The following SLC12A3 variants were observed in gnomAD, a reference collection of about 807,000 sequenced individuals.
SLC12A3 encodes the protein solute carrier family 12 member 3.
Under a neutral mutation model 121.0 loss-of-function variants are expected in SLC12A3, and 104 were observed. The ratio of observed to expected loss-of-function variants is 0.86; its 90% CI spans 0.73 to 1.01. The LOEUF (loss-of-function observed/expected upper bound fraction) is 1.01. SLC12A3 is among the 50% of genes least tolerant of loss of function. The pLI is 0.00. For synonymous variants in SLC12A3, 536 were observed against 533.4 expected, an observed-to-expected ratio of 1.00 and a Z score of -0.07; for missense variants, 1,328 against 1,356.3, an observed-to-expected ratio of 0.98 and a Z score of 0.33.
intron 22 of SLC12A3, among the ~76,000 whole-genome samples, chr16:56,898,571 T>C (rs2055496570): frequency 6.6e-6 from 1 of 152,162 alleles, no homozygotes; most frequent in Non-Finnish European, 1.5e-5. Flanking sequence ...TGTATTGTTT[T>C]GAAGGCTTCT....
intron 4 of SLC12A3, 134 bp from the exon 5 acceptor site, chr16:56,869,962 A>G (rs2055069531): frequency 1.0e-5 from 14 of 1,379,364 alleles, no homozygotes; most frequent in Non-Finnish European, 1.4e-5. Context: ...CAGGCTGTCT[A>G]CACCACGAGA....
chr16:56,883,186 C>A (rs2055263673), intron 13 of SLC12A3, among the ~76,000 whole-genome samples: 1 of 151,950 alleles, frequency 6.6e-6, no homozygotes, highest in Non-Finnish European at 1.5e-5. Context: ...CTAGGAGGCA[C>A]CATTCATATC....
At position 56,868,377 on chromosome 16, in the gene SLC12A3, G is replaced by A. The variant is rs751112698; in HGVS notation, c.505+5G>A. Reference sequence around the variant, plus strand: ...TTACGGCCCAGGCAGGCATCGGTGAGTGCCCCTCTGGGGAAGAGGAGGGAG... The same window carrying A: ...TTACGGCCCAGGCAGGCATCGGTGAATGCCCCTCTGGGGAAGAGGAGGGAG... On this transcript the variant is annotated splice_donor_5th_base_variant and intron_variant, in intron 3 of 25. Coordinates refer to ENST00000563236, the MANE Select transcript of SLC12A3 (RefSeq NM_001126108.2). The A allele has an allele frequency of 5.6e-6, 9 of 1,610,910 alleles. No homozygotes were observed. The highest frequency in any genetic ancestry group is 7.6e-6 in the Non-Finnish European group (9 of 1,178,566).
Position 56,899,991 on chromosome 16 carries a change from A to G in SLC12A3, c.2720+375A>G, listed in dbSNP as rs540023329. 2.6e-5 allele frequency among the ~76,000 whole-genome samples: 4 copies of G among 152,330 alleles called. No individual in the cohort carries two copies. The South Asian group carries it at 8.3e-4, about 32-fold the overall frequency. On this transcript the variant is annotated intron_variant, in intron 23 of 25. Transcript: ENST00000563236. ...GTGACCAATGGCAGGTTCAGCAGGG[A>G]CTGTTTGCTTTCCAAATGGTATAAC... is the stretch of plus-strand genomic sequence containing the variant.
chr16:56,886,719 T>C (rs2055317307), intron 16 of SLC12A3, among the ~76,000 whole-genome samples: 1 of 151,924 alleles, frequency 6.6e-6, no homozygotes, highest in Non-Finnish European at 1.5e-5. Flanking sequence ...CTCCCCTTCC[T>C]GGCCCCTCTT....
At chr16:56,866,541 G>A (rs1429372159) in intron 1 of SLC12A3, among the ~76,000 whole-genome samples, 1 of 152,136 alleles carries the variant, frequency 6.6e-6, no homozygotes, top group Non-Finnish European at 1.5e-5. Flanking sequence ...CCTCTCCAGG[G>A]TGATAATAAT....
rs753469158 is a variant in SLC12A3 at position 56,872,643 on chromosome 16, C to T, written c.965-13C>T. The T allele has an allele frequency of 6.8e-6, 11 of 1,614,248 alleles. No homozygotes were observed. The highest frequency in any genetic ancestry group is 1.6e-4 in the Middle Eastern group (1 of 6,062). ...TCCAGGTGAGCCTTACTCATCAGGC[C>T]TTGCTTTTCCAGCGGACATTTTTGT... On this transcript the variant is annotated splice_polypyrimidine_tract_variant and intron_variant, in intron 7 of 25. Coordinates refer to ENST00000563236, the MANE Select transcript of SLC12A3 (RefSeq NM_001126108.2).
chr16:56,906,782 G>A (rs1194632199), intron 25 of SLC12A3: 5 of 758,438 alleles, frequency 6.6e-6, no homozygotes, highest in African/African-American at 1.8e-5. Flanking sequence ...ATTATGCAAA[G>A]AAAAGTGAAC....
At chr16:56,904,915 T>C (rs2055586704) in intron 25 of SLC12A3, 3 of 298,588 alleles carry the variant, frequency 1.0e-5, no homozygotes, top group South Asian at 9.5e-5. Flanking sequence ...CTGTTCCTAC[T>C]GGACCCACGT....
chr16:56,910,661 C>T lies in SLC12A3; in HGVS notation c.2925-2603C>T, dbSNP rs955592398. Among the ~76,000 whole-genome samples the T allele has an allele frequency of 4.6e-5, 7 of 152,108 alleles. No individual in the cohort carries two copies. The East Asian group carries it at 1.3e-3, about 29-fold the overall frequency. On this transcript the variant is annotated intron_variant, in intron 25 of 25. Coordinates refer to ENST00000563236, the MANE Select transcript of SLC12A3 (RefSeq NM_001126108.2). ...GGCCTCAAAACTCTATTATAATCAC[C>T]CCCTCACTCCCACTTTAGAGATGAG...
intron 22 of SLC12A3, among the ~76,000 whole-genome samples, chr16:56,897,385 G>A (rs2055479420): frequency 6.6e-6 from 1 of 152,100 alleles, no homozygotes; most frequent in Non-Finnish European, 1.5e-5. Flanking sequence ...GATGCCCCAG[G>A]GTCAGAGTAG....
intron 8 of SLC12A3, 36 bp from the exon 9 acceptor site, chr16:56,878,041 T>TC: frequency 2.0e-5 from 8 of 393,160 alleles, no homozygotes; most frequent in South Asian, 8.5e-5. Flanking sequence ...CCTCTCTCCC[T>TC]CCCTCCCTCC....
chr16:56,887,799 T>TATATATATATATATATA (rs1491296372), intron 17 of SLC12A3, 126 bp from the exon 18 acceptor site: 14 of 46,588 alleles, frequency 3.0e-4, no homozygotes, highest in Admixed American at 5.2e-4. Flanking sequence ...TATATATATA[T>TATATATATATATATATA]TTTTTTTTTT....
At chr16:56,876,804 G>A (rs1326627560) in intron 8 of SLC12A3, among the ~76,000 whole-genome samples, 1 of 152,200 alleles carries the variant, frequency 6.6e-6, no homozygotes, top group Non-Finnish European at 1.5e-5. Flanking sequence ...TCCCATGGCA[G>A]GCCTGGCCTT....
chr16:56,885,810 T>C (rs1446773645), intron 15 of SLC12A3, among the ~76,000 whole-genome samples: 1 of 152,232 alleles, frequency 6.6e-6, no homozygotes, highest in Non-Finnish European at 1.5e-5. Context: ...GCCAGGTGCT[T>C]GCAAAGTGCC....
rs777612082 is a variant in SLC12A3 at position 56,880,172 on chromosome 16, G to A, written c.1486G>A (p.Gly496Ser). The A allele has an allele frequency of 2.7e-5, 43 of 1,604,818 alleles. No individual in the cohort carries two copies. Among genetic ancestry groups the A allele is most frequent in the East Asian group, 9.0e-5 (4 of 44,588 alleles). The change falls in exon 12 of 26, where the codon GGC (glycine) becomes AGC (serine). Residue 496 changes from glycine to serine, a missense_variant. Physicochemically the swap from Gly to Ser is moderately conservative, Grantham distance 56 (BLOSUM62 0). Transcript: ENST00000563236. ...DQLYPLIGFF[G>S]KGYGKNKEPV... is the part of the protein sequence containing the mutation. The stretch of plus-strand genomic sequence containing the variant: ...GCTGTACCCACTGATCGGCTTCTTC[G>A]GCAAAGGCTATGGCAAGAACAAGGA...
At chr16:56,878,266 T>C in intron 9 of SLC12A3, 105 bp downstream of exon 9, 1 of 874,504 alleles carries the variant, frequency 1.1e-6, no homozygotes, top group South Asian at 1.4e-5. Context: ...GGGGTTCGAC[T>C]CTCTAACAAC....
intron 16 of SLC12A3, 99 bp from the exon 17 acceptor site, chr16:56,886,854 G>A: frequency 9.0e-6 from 14 of 1,550,550 alleles, no homozygotes; most frequent in Non-Finnish European, 1.2e-5. Context: ...CGTGGGTGCT[G>A]CCAAGCCCCT....
At chr16:56,887,684 C>T (rs993258461) in intron 17 of SLC12A3, among the ~76,000 whole-genome samples, 14 of 149,128 alleles carry the variant, frequency 9.4e-5, no homozygotes, top group African/African-American at 3.0e-4. Context: ...GAACTAGAAT[C>T]GAGGATTCTG....
Sources: gnomAD v4.1 joint callset for allele counts (sites outside exome capture counted in the v4.1 genomes callset) on GRCh38, gnomAD v4.1.1 for gene constraint, MANE v1.5 for transcripts, NCBI Gene and HGNC (gene_info 2026-07-23, HGNC 2026-07-21) for gene names.